Variants in BRI3 observed in about 807,000 individuals in gnomAD.
The protein encoded by BRI3 is brain protein I3.
In BRI3, 6 loss-of-function variants were observed where a neutral mutation model predicts 12.8. The ratio of observed to expected loss-of-function variants is 0.47; its 90% CI spans 0.26 to 0.93. The LOEUF (loss-of-function observed/expected upper bound fraction) is 0.93. Ranked by LOEUF, BRI3 falls within the 40% of genes least tolerant of loss-of-function variation. The pLI, the probability that BRI3 is intolerant of heterozygous loss-of-function variation, is 0.15. For synonymous variants in BRI3, 91 were observed against 76.1 expected, an observed-to-expected ratio of 1.20 and a Z score of -1.02; for missense variants, 134 against 171.1, an observed-to-expected ratio of 0.78 and a Z score of 1.21.
intron 2 of BRI3, among the ~76,000 whole-genome samples, chr7:98,285,219 G>A (rs1378028517): frequency 6.6e-6 from 1 of 152,244 alleles, no homozygotes; most frequent in Admixed American, 6.5e-5. Flanking sequence ...GAGGTCCAGG[G>A]TGCGGCTCAG....
At chr7:98,310,640 G>T, downstream of BRI3, 1 of 1,389,810 alleles carries the variant, frequency 7.2e-7, no homozygotes, top group Non-Finnish European at 9.6e-7. Context: ...TGCAGAACCG[G>T]AATTACACAG....
chr7:98,311,024 C>T (rs1260565471), downstream of BRI3, among the ~76,000 whole-genome samples: 1 of 151,972 alleles, frequency 6.6e-6, no homozygotes, highest in Non-Finnish European at 1.5e-5. Flanking sequence ...AAGAGTGGAT[C>T]CATGTGTTCA....
chr7:98,295,554 G>T (rs1321825980), downstream of BRI3, among the ~76,000 whole-genome samples: 4 of 152,124 alleles, frequency 2.6e-5, no homozygotes, highest in African/African-American at 9.7e-5. Flanking sequence ...ATGTGCTCAC[G>T]GTGCTGGCAT....
chr7:98,313,673 C>T (rs2116882324), downstream of BRI3, among the ~76,000 whole-genome samples: 3 of 152,278 alleles, frequency 2.0e-5, 1 homozygote, highest in Middle Eastern at 0.01. Context: ...GGCTGGAGTG[C>T]ACTGGCACAA....
chr7:98,317,370 G>C, the BRI3 span: 5 of 1,612,168 alleles, frequency 3.1e-6, no homozygotes, highest in African/African-American at 1.3e-5. Flanking sequence ...TAAGTTAAAT[G>C]GCTGTGCTTA....
At chr7:98,284,550 C>T (rs906763570) in intron 2 of BRI3, among the ~76,000 whole-genome samples, 1 of 152,230 alleles carries the variant, frequency 6.6e-6, no homozygotes. Flanking sequence ...CGTCTTGGCC[C>T]GGGAGACAGG....
intron 2 of BRI3, among the ~76,000 whole-genome samples, chr7:98,290,357 G>A (rs927086316): frequency 5.9e-5 from 9 of 151,732 alleles, no homozygotes; most frequent in African/African-American, 1.5e-4. Flanking sequence ...CACCGCGCCC[G>A]GCTAATTTTT....
downstream of BRI3, chr7:98,312,347 T>C: frequency 2.1e-6 from 3 of 1,429,614 alleles, no homozygotes; most frequent in Non-Finnish European, 2.8e-6. Flanking sequence ...ATATCGCTGA[T>C]AACAGATTAC....
At chr7:98,315,518 C>G in the BRI3 span, 2 of 1,523,074 alleles carry the variant, frequency 1.3e-6, no homozygotes. Context: ...AACCAGAAAG[C>G]AGAAGCGCCT....
downstream of BRI3, chr7:98,310,467 T>G: frequency 6.2e-7 from 1 of 1,600,430 alleles, no homozygotes; most frequent in Non-Finnish European, 8.5e-7. Context: ...TTACCCTTTG[T>G]GAATTCGGGG....
chr7:98,288,175 G>A (rs1799775186), intron 2 of BRI3, among the ~76,000 whole-genome samples: 1 of 152,216 alleles, frequency 6.6e-6, no homozygotes, highest in South Asian at 2.1e-4. Context: ...GCAGATGCCA[G>A]GAAGAAAAGG....
exon 2 of BRI3, chr7:98,308,155 C>T (rs989404530): frequency 9.7e-6 from 6 of 619,550 alleles, no homozygotes; most frequent in Non-Finnish European, 1.8e-5. Flanking sequence ...CTTTTCCAGG[C>T]CCAAGGACAA....
chr7:98,322,859 TG>T, the BRI3 span: 1 of 152,254 alleles, frequency 6.6e-6, no homozygotes, highest in Admixed American at 6.5e-5. Context: ...GCTCCCGCCA[TG>T]GTGTTCCAGG....
At chr7:98,304,499 A>G (rs556671215), upstream of BRI3, 68 of 957,028 alleles carry the variant, frequency 7.1e-5, 1 homozygote, top group African/African-American at 1.1e-3. Context: ...CCTGATCTTG[A>G]TCTCACACAC....
the BRI3 span, among the ~76,000 whole-genome samples, chr7:98,316,204 C>T: frequency 4.5e-4 from 68 of 152,266 alleles, no homozygotes; most frequent in Admixed American, 1.0e-3. Flanking sequence ...GTGACTTGCT[C>T]CTCCTTCCCT....
At chr7:98,292,925 G>A (rs572801829), downstream of BRI3, 77 of 1,377,900 alleles carry the variant, frequency 5.6e-5, no homozygotes, top group Middle Eastern at 1.1e-3. Flanking sequence ...CAGGCAAAGC[G>A]TCTTAGCACT....
chr7:98,293,539 C>A (rs12728), downstream of BRI3: 3 of 1,613,156 alleles, frequency 1.9e-6, no homozygotes, highest in East Asian at 2.2e-5. Context: ...TGATGGGTGC[C>A]GAGCGATCAT....
intron 2 of BRI3, among the ~76,000 whole-genome samples, chr7:98,288,768 A>C (rs572603285): frequency 7.0e-6 from 1 of 142,500 alleles, no homozygotes; most frequent in African/African-American, 2.6e-5. Flanking sequence ...GTGTCTGGCT[A>C]ATTTTAAATT....
chr7:98,312,612 G>A (rs1288225114), downstream of BRI3, among the ~76,000 whole-genome samples: 2 of 152,118 alleles, frequency 1.3e-5, no homozygotes, highest in Non-Finnish European at 2.9e-5. Flanking sequence ...CCCCAGAAAC[G>A]CCAACCATCA....
Sources: gnomAD v4.1 joint callset for allele counts (sites outside exome capture counted in the v4.1 genomes callset) on GRCh38, gnomAD v4.1.1 for gene constraint, MANE v1.5 for transcripts, NCBI Gene and HGNC (gene_info 2026-07-23, HGNC 2026-07-21) for gene names.